Variants in TSPAN9 observed in about 807,000 individuals in gnomAD.
The protein encoded by TSPAN9 is tetraspanin 9.
Under a neutral mutation model 31.0 loss-of-function variants are expected in TSPAN9, and 16 were observed. That is an observed-to-expected ratio of 0.52 (90% CI 0.35 to 0.78). The LOEUF (loss-of-function observed/expected upper bound fraction) is 0.78. TSPAN9 is among the 30% of genes least tolerant of loss of function. TSPAN9 has a pLI of 0.01. For missense variants in TSPAN9, 272 were observed against 312.5 expected, an observed-to-expected ratio of 0.87 and a Z score of 0.98; for synonymous variants, 145 against 121.6, an observed-to-expected ratio of 1.19 and a Z score of -1.27.
intron 2 of TSPAN9, among the ~76,000 whole-genome samples, chr12:3,085,928 A>T (rs138671034): frequency 6.6e-6 from 1 of 152,120 alleles, no homozygotes; most frequent in Non-Finnish European, 1.5e-5. Flanking sequence ...GTTTGCGGAG[A>T]TGGTCCCCTG....
intron 2 of TSPAN9, among the ~76,000 whole-genome samples, chr12:3,148,354 A>G (rs2098338255): frequency 6.6e-6 from 1 of 152,360 alleles, no homozygotes; most frequent in Admixed American, 6.5e-5. Context: ...TTTGGTCCCA[A>G]GTCAGTCCAG....
At chr12:3,174,524 T>C (rs1206711195) in intron 2 of TSPAN9, among the ~76,000 whole-genome samples, 2 of 152,252 alleles carry the variant, frequency 1.3e-5, no homozygotes, top group Non-Finnish European at 2.9e-5. Context: ...CAGGGGCTTC[T>C]TCTTGTAACA....
At chr12:3,178,313 G>C (rs1287323839) in intron 2 of TSPAN9, among the ~76,000 whole-genome samples, 3 of 150,196 alleles carry the variant, frequency 2.0e-5, no homozygotes, top group Non-Finnish European at 3.0e-5. Context: ...TTGAGACAGA[G>C]TTGTTTCGCT....
chr12:3,082,440 A>G (rs1303136641), intron 1 of TSPAN9, among the ~76,000 whole-genome samples: 1 of 152,212 alleles, frequency 6.6e-6, no homozygotes. Flanking sequence ...CTGTCCATTC[A>G]TTCTTCCAAG....
At chr12:3,269,062 GTGCGTTCCTGCAGCCTGCCCTCCC>G (rs1862612258) in intron 3 of TSPAN9, among the ~76,000 whole-genome samples, 1 of 17,638 alleles carries the variant, frequency 5.7e-5, no homozygotes. Context: ...CCTGCCCTCC[GTGCGTTCCTGCAGCCTGCCCTCCC>G]TGTGTTCCTG....
chr12:3,177,300 G>C (rs889041929), intron 2 of TSPAN9, among the ~76,000 whole-genome samples: 2 of 152,000 alleles, frequency 1.3e-5, no homozygotes, highest in Non-Finnish European at 2.9e-5. Context: ...ACCATGCCCA[G>C]CTAATTCTGT....
intron 3 of TSPAN9, among the ~76,000 whole-genome samples, chr12:3,228,699 G>A (rs2098389144): frequency 6.6e-6 from 1 of 152,236 alleles, no homozygotes; most frequent in Non-Finnish European, 1.5e-5. Flanking sequence ...GTTGCTGGGA[G>A]GTATCTTGGC....
At chr12:3,208,524 G>A (rs1036095408) in intron 3 of TSPAN9, among the ~76,000 whole-genome samples, 1 of 152,230 alleles carries the variant, frequency 6.6e-6, no homozygotes, top group Non-Finnish European at 1.5e-5. Flanking sequence ...GGTGGTCACA[G>A]TGCGGGGCCC....
chr12:3,088,945 AC>A (rs2153962702), intron 2 of TSPAN9, among the ~76,000 whole-genome samples: 1 of 152,154 alleles, frequency 6.6e-6, no homozygotes, highest in East Asian at 2.0e-4. Context: ...GAAAAGGGAC[AC>A]TATAGGCTGG....
chr12:3,108,349 C>T (rs2098315709), intron 2 of TSPAN9, among the ~76,000 whole-genome samples: 1 of 152,334 alleles, frequency 6.6e-6, no homozygotes, highest in East Asian at 1.9e-4. Context: ...AGCTAGGTTC[C>T]AGCCCCCCGT....
intron 3 of TSPAN9, among the ~76,000 whole-genome samples, chr12:3,223,719 T>C (rs1402396633): frequency 4.6e-5 from 7 of 152,180 alleles, no homozygotes; most frequent in Non-Finnish European, 5.9e-5. Flanking sequence ...GGTTCAAGTA[T>C]TGAGCGAGAG....
chr12:3,210,090 G>A (rs184065880), intron 3 of TSPAN9, among the ~76,000 whole-genome samples: 9 of 147,770 alleles, frequency 6.1e-5, no homozygotes, highest in East Asian at 4.0e-4. Context: ...AGCCGAGATC[G>A]CGCACTGCAC....
chr12:3,173,138 TGGTTGGCTGTGCCTG>T (rs1473517439), intron 2 of TSPAN9: 1 of 152,526 alleles, frequency 6.6e-6, no homozygotes, highest in Non-Finnish European at 1.5e-5. Flanking sequence ...CGGCTGTGCC[TGGTTGGCTGTGCCTG>T]GCATGTGGAG....
At chr12:3,102,328 A>T (rs1347978609) in intron 2 of TSPAN9, among the ~76,000 whole-genome samples, 2 of 150,442 alleles carry the variant, frequency 1.3e-5, no homozygotes, top group Non-Finnish European at 2.9e-5. Context: ...GAGTCTTGCT[A>T]TTTTGCCCAG....
intron 2 of TSPAN9, among the ~76,000 whole-genome samples, chr12:3,090,414 C>G (rs1451809642): frequency 1.3e-5 from 2 of 152,226 alleles, no homozygotes; most frequent in African/African-American, 2.4e-5. Flanking sequence ...GCTGGTAGCT[C>G]TGCAGGCCCT....
intron 2 of TSPAN9, among the ~76,000 whole-genome samples, chr12:3,099,384 T>G (rs1429479769): frequency 6.6e-6 from 1 of 152,248 alleles, no homozygotes; most frequent in Non-Finnish European, 1.5e-5. Context: ...GAGTGTTTGT[T>G]GTATCTTTGT....
chr12:3,193,642 A>G (rs1478656957), intron 2 of TSPAN9, among the ~76,000 whole-genome samples: 1 of 151,938 alleles, frequency 6.6e-6, no homozygotes, highest in Non-Finnish European at 1.5e-5. Flanking sequence ...AACACTAGGG[A>G]ATGTGTAAGG....
intron 2 of TSPAN9, among the ~76,000 whole-genome samples, chr12:3,106,796 T>TA (rs2153964922): frequency 6.6e-6 from 1 of 151,404 alleles, no homozygotes; most frequent in African/African-American, 2.4e-5. Context: ...AACAAAACAG[T>TA]AAAAGAGGTG....
chr12:3,163,280 G>A lies in TSPAN9; in HGVS notation c.-17-37897G>A, dbSNP rs527999943. Among the ~76,000 whole-genome samples the A allele has an allele frequency of 2.6e-5, 4 of 152,306 alleles. No individual in the cohort carries two copies. The South Asian group carries it at 8.3e-4, about 32-fold the overall frequency. On this transcript the variant is annotated intron_variant, in intron 2 of 8. Coordinates refer to ENST00000011898, the MANE Select transcript of TSPAN9 (RefSeq NM_006675.5). ...GTTCAAGGGCCAGCTTAAATGTCTT[G>A]TCTATAAGCCCCATAATTGAATATG...
Sources: allele counts gnomAD v4.1 joint callset (sites outside exome capture counted in the v4.1 genomes callset), GRCh38; gene constraint gnomAD v4.1.1; transcripts MANE v1.5; gene names NCBI Gene and HGNC (gene_info 2026-07-23, HGNC 2026-07-21).